Variants in SLCO1B1 observed in about 807,000 individuals in gnomAD.
SLCO1B1 encodes solute carrier organic anion transporter family member 1B1, also known as OATP-2.
Under a neutral mutation model 70.1 loss-of-function variants are expected in SLCO1B1, and 81 were observed. That is an observed-to-expected ratio of 1.16 (90% CI 0.97 to 1.39). The LOEUF (loss-of-function observed/expected upper bound fraction) is 1.39. SLCO1B1 is among the 40% of genes most tolerant of loss of function. The pLI is 0.00. For missense variants in SLCO1B1, 895 were observed against 799.6 expected, an observed-to-expected ratio of 1.12 and a Z score of -1.44; for synonymous variants, 283 against 271.5, an observed-to-expected ratio of 1.04 and a Z score of -0.42.
In SLCO1B1 at chr12:21,196,936, T is replaced by C. The variant is rs1403037066; in HGVS notation, c.728-10T>C. 6.2e-7 allele frequency: 1 copy of C among 1,612,796 alleles called. No homozygotes were observed. The highest frequency in any genetic ancestry group is 1.3e-5 in the African/African-American group (1 of 74,862). The stretch of plus-strand genomic sequence containing the variant: ...GATTTTTGACTGGCTTCTATAATTA[T>C]TTATTCTAGGCACTATCAGGATAAC... On this transcript the variant is annotated splice_polypyrimidine_tract_variant and intron_variant, in intron 7 of 14. Transcript: ENST00000256958.
intron 2 of SLCO1B1, among the ~76,000 whole-genome samples, chr12:21,167,847 C>T (rs1228147044): frequency 1.4e-5 from 2 of 145,294 alleles, no homozygotes; most frequent in African/African-American, 5.1e-5. Context: ...GATGGAGTCT[C>T]GCACTGTCAC....
chr12:21,204,964 C>T (rs376246044), intron 10 of SLCO1B1, among the ~76,000 whole-genome samples: 2 of 151,934 alleles, frequency 1.3e-5, no homozygotes, highest in South Asian at 4.2e-4. Flanking sequence ...GGGCCACAAA[C>T]ATTCTGACTA....
At chr12:21,169,204 A>G (rs908271727) in intron 2 of SLCO1B1, among the ~76,000 whole-genome samples, 1 of 152,138 alleles carries the variant, frequency 6.6e-6, no homozygotes, top group African/African-American at 2.4e-5. Flanking sequence ...GTTTGATTAT[A>G]CTGTGTCTTG....
intron 14 of SLCO1B1, among the ~76,000 whole-genome samples, chr12:21,237,478 T>G (rs1591753861): frequency 6.6e-6 from 1 of 152,284 alleles, no homozygotes; most frequent in South Asian, 2.1e-4. Context: ...TAGATAAAAT[T>G]TGTTTTTCCT....
chr12:21,224,867 T>C (rs763509786), intron 14 of SLCO1B1, 28 bp downstream of exon 14: 4 of 1,241,420 alleles, frequency 3.2e-6, no homozygotes, highest in Non-Finnish European at 4.7e-6. Context: ...TATTTCATTA[T>C]TTTTTCTTTG....
chr12:21,184,818 A>T (rs1464508795), intron 7 of SLCO1B1, among the ~76,000 whole-genome samples: 1 of 152,156 alleles, frequency 6.6e-6, no homozygotes, highest in Non-Finnish European at 1.5e-5. Context: ...ACTGAGTGAC[A>T]AGCTTCATAA....
intron 1 of SLCO1B1, among the ~76,000 whole-genome samples, chr12:21,136,476 C>A (rs543598971): frequency 6.6e-6 from 1 of 152,080 alleles, no homozygotes; most frequent in Non-Finnish European, 1.5e-5. Flanking sequence ...ACCAATCAGA[C>A]GTAGATTTGG....
rs781644564 is a variant in SLCO1B1, at chr12:21,226,905, T to A, written c.1865+2066T>A. ...GTATGTTCTATTAAAAAAAATCAAG[T>A]ATCTCCCAAAGAAAAAATCACGAAT... On this transcript the variant is annotated intron_variant, in intron 14 of 14. Transcript: ENST00000256958. Among the ~76,000 whole-genome samples the A allele has an allele frequency of 2.6e-5, 4 of 151,998 alleles. No individual in the cohort carries two copies. In the South Asian group the frequency reaches 6.2e-4, roughly 24 times the overall value.
At chr12:21,151,865 G>T (rs1462067770) in intron 2 of SLCO1B1, among the ~76,000 whole-genome samples, 1 of 151,864 alleles carries the variant, frequency 6.6e-6, no homozygotes, top group Non-Finnish European at 1.5e-5. Context: ...ATGACTAGGT[G>T]TAACTTTTTG....
At chr12:21,132,298 G>C (rs12811096) in intron 1 of SLCO1B1, among the ~76,000 whole-genome samples, 3 of 152,206 alleles carry the variant, frequency 2.0e-5, no homozygotes, top group Admixed American at 2.0e-4. Context: ...ATAAACATAC[G>C]TGTGCATGTG....
chr12:21,172,590 A>G, intron 2 of SLCO1B1, 60 bp from the exon 3 acceptor site: 1 of 1,539,466 alleles, frequency 6.5e-7, no homozygotes, highest in Non-Finnish European at 9.0e-7. Context: ...CCATGTGCCT[A>G]TTGACATTAT....
At chr12:21,141,083 T>C (rs1940301300) in intron 1 of SLCO1B1, among the ~76,000 whole-genome samples, 1 of 151,992 alleles carries the variant, frequency 6.6e-6, no homozygotes. Context: ...TATATTATTT[T>C]TGTATCTGTT....
At chr12:21,219,441 C>T (rs1941397578) in intron 12 of SLCO1B1, among the ~76,000 whole-genome samples, 1 of 152,154 alleles carries the variant, frequency 6.6e-6, no homozygotes, top group Non-Finnish European at 1.5e-5. Flanking sequence ...GTGACAAGTG[C>T]AGCAAGAGAG....
chr12:21,218,252 G>A (rs1941383542), intron 12 of SLCO1B1, among the ~76,000 whole-genome samples: 1 of 152,092 alleles, frequency 6.6e-6, no homozygotes, highest in Non-Finnish European at 1.5e-5. Flanking sequence ...TGATAAGATT[G>A]GAGAGTTAGG....
intron 2 of SLCO1B1, among the ~76,000 whole-genome samples, chr12:21,153,844 G>A (rs1473218892): frequency 6.6e-6 from 1 of 151,630 alleles, no homozygotes; most frequent in Non-Finnish European, 1.5e-5. Flanking sequence ...GTCTATTTGG[G>A]CTATTATTTA....
intron 7 of SLCO1B1, among the ~76,000 whole-genome samples, chr12:21,188,364 C>T (rs554949778): frequency 1.5e-4 from 23 of 152,088 alleles, no homozygotes; most frequent in African/African-American, 5.3e-4. Context: ...TTTATCTTCC[C>T]TGTGATTTTC....
At chr12:21,218,210 T>C (rs4149076) in intron 12 of SLCO1B1, among the ~76,000 whole-genome samples, 48,605 of 151,936 alleles carry the variant, frequency 0.32, 8,320 homozygotes, top group East Asian at 0.45. Context: ...AGCTGGCAGA[T>C]TGAAACATAC....
intron 7 of SLCO1B1, among the ~76,000 whole-genome samples, chr12:21,192,150 T>C (rs1941036178): frequency 6.6e-6 from 1 of 152,032 alleles, no homozygotes; most frequent in Non-Finnish European, 1.5e-5. Flanking sequence ...GATGTTCTCT[T>C]CTCTTCAATT....
At chr12:21,165,910 C>T (rs1434892062) in intron 2 of SLCO1B1, among the ~76,000 whole-genome samples, 1 of 151,840 alleles carries the variant, frequency 6.6e-6, no homozygotes, top group Non-Finnish European at 1.5e-5. Context: ...TCTGAACTGA[C>T]TTAGACAAAA....
Sources: gnomAD v4.1 joint callset for allele counts (sites outside exome capture counted in the v4.1 genomes callset) on GRCh38, gnomAD v4.1.1 for gene constraint, MANE v1.5 for transcripts, NCBI Gene and HGNC (gene_info 2026-07-23, HGNC 2026-07-21) for gene names.